The following LAMA4 variants were observed in gnomAD, a reference collection of about 807,000 sequenced individuals.
LAMA4 encodes the protein laminin subunit alpha 4.
Under a neutral mutation model 207.1 loss-of-function variants are expected in LAMA4, and 127 were observed. The ratio of observed to expected loss-of-function variants is 0.61; its 90% CI spans 0.53 to 0.71. The LOEUF is 0.71. LAMA4 is among the 30% of genes least tolerant of loss of function. The probability of loss-of-function intolerance (pLI) is 0.00; values close to 1 mark genes in which losing one functional copy is unlikely to be tolerated. For synonymous variants in LAMA4, 761 were observed against 816.0 expected (o/e 0.93, Z 1.15); for missense variants, 2,093 against 2,246.5 (o/e 0.93, Z 1.38).
chr6:112,117,890 G>A lies in LAMA4; in HGVS notation c.4830C>T (p.Ser1610=). The A allele has an allele frequency of 6.2e-7, 1 of 1,613,120 alleles. No homozygotes were observed. The highest frequency in any genetic ancestry group is 8.5e-7 in the Non-Finnish European group (1 of 1,179,292). Residue 1610 remains serine, a synonymous_variant, in exon 35 of 39, where the codon TCC becomes TCT. Coordinates refer to ENST00000230538, the MANE Select transcript of LAMA4 (RefSeq NM_001105206.3). This position sits in a 1 kb window ranked among gnomAD's most constrained non-coding sequence, Gnocchi z 4.5. ...GKAVKNVQIN[S]IYSFSGCLSN... is the part of the protein sequence containing the mutation. ...TGAGACAGCCACTAAAACTGTAGATGGAGTTAATCTGAGGGAAGAAGATAT... is the reference window on the plus strand; with the variant it reads ...TGAGACAGCCACTAAAACTGTAGATAGAGTTAATCTGAGGGAAGAAGATAT...
intron 1 of LAMA4, 81 bp downstream of exon 1, chr6:112,254,378 T>TCCCCCCTTCTCCCCCTCTCTCG: frequency 1.7e-6 from 1 of 580,498 alleles, no homozygotes; most frequent in African/African-American, 1.9e-5. Flanking sequence ...CCCCTCTCTC[T>TCCCCCCTTCTCCCCCTCTCTCG]CCCTCTCCCT....
chr6:112,189,399 A>G (rs1436681556), intron 6 of LAMA4, among the ~76,000 whole-genome samples, 194 bp from the exon 7 acceptor site: 3 of 152,270 alleles, frequency 2.0e-5, no homozygotes, highest in Non-Finnish European at 4.4e-5. Flanking sequence ...CTCCAGCCCA[A>G]TGAGATTTTC....
intron 1 of LAMA4, 45 bp from the exon 2 acceptor site, chr6:112,254,336 CCTCTCTCTCCCTCT>C (rs1403483264): frequency 1.2e-4 from 79 of 634,410 alleles, no homozygotes; most frequent in South Asian, 1.1e-3. Context: ...AGAGTTCCAG[CCTCTCTCTCCCTCT>C]CTCTCTCTCC....
chr6:112,191,975 A>C, intron 5 of LAMA4, 125 bp from the exon 6 acceptor site: 1 of 830,672 alleles, frequency 1.2e-6, no homozygotes. Context: ...ATTCATTTGC[A>C]CTCTCTCATC....
rs1189587795 is a variant in LAMA4 at position 112,132,808 on chromosome 6, C to A, written c.3779G>T (p.Gly1260Val). 1.9e-6 allele frequency: 3 copies of A among 1,612,792 alleles called. No homozygotes were observed. The highest frequency in any genetic ancestry group is 2.5e-6 in the Non-Finnish European group (3 of 1,178,958). The change falls in exon 28 of 39, where the codon GGT becomes GTT. Residue 1260 changes from glycine (G) to valine (V), a missense_variant. By Grantham distance (109) the Gly-to-Val change is moderately radical (BLOSUM62 -3). Transcript: ENST00000230538. ...TGGTTGTAATGTTCGGAAATTAAAA[C>A]CTCCTTCAAAGCCATCAAAGAAAGA... ...KISFFDGFEG[G>V]FNFRTLQPNG...
At chr6:112,178,015 G>T in intron 10 of LAMA4, 106 bp downstream of exon 10, 1 of 837,598 alleles carries the variant, frequency 1.2e-6, no homozygotes, top group Non-Finnish European at 2.1e-6. Flanking sequence ...GTACCAACAA[G>T]TTCCTGGCAC....
chr6:112,189,706 C>T (rs2114951469), intron 6 of LAMA4, among the ~76,000 whole-genome samples: 1 of 152,272 alleles, frequency 6.6e-6, no homozygotes, highest in South Asian at 2.1e-4. Flanking sequence ...TCCCACTGCG[C>T]TTGACCCTTG....
Position 112,158,741 on chromosome 6 carries a change from T to A in LAMA4, c.1808A>T (p.Glu603Val), listed in dbSNP as rs781829812. 6.8e-6 allele frequency: 11 copies of A among 1,613,560 alleles called. No homozygotes were observed. Among genetic ancestry groups the A allele is most frequent in the Non-Finnish European group, 9.3e-6 (11 of 1,179,644 alleles). The change falls in exon 14 of 39, where the codon GAA becomes GTA. Residue 603 changes from glutamate to valine, a missense_variant. Coordinates refer to ENST00000230538, the MANE Select transcript of LAMA4 (RefSeq NM_001105206.3). ...AAAACCAGGATATTACCTGCTCAAT[T>A]CATTAGCTTCTTGTTGAAGGTCCTG... is the stretch of plus-strand genomic sequence containing the variant. ...HAQDLQQEAN[E>V]LSRKLHSSDM... is the part of the protein sequence containing the mutation.
chr6:112,157,060 G>A (rs1200937626), intron 14 of LAMA4, among the ~76,000 whole-genome samples: 1 of 151,896 alleles, frequency 6.6e-6, no homozygotes, highest in Non-Finnish European at 1.5e-5. Flanking sequence ...AAGTGTCTAG[G>A]GCCTATAGAA....
In LAMA4 at chr6:112,109,245, G is replaced by A. The variant is rs587656054; in HGVS notation, c.*192C>T. On this transcript the variant is annotated 3_prime_UTR_variant, in exon 39 of 39. Transcript: ENST00000230538. ...ACTCCTTCAATTGTTGTCCATTGCA[G>A]ACACTTTGGATTCAAGGTTAAGAAT... 1.5e-6 allele frequency: 1 copy of A among 661,794 alleles called. No homozygotes were observed. The highest frequency in any genetic ancestry group is 1.8e-5 in the South Asian group (1 of 54,328). The allele number at this position is 661,794 out of a possible 1,614,324, so 41.0% of individuals were successfully genotyped here.
At chr6:112,250,877 A>T (rs1787396853) in intron 2 of LAMA4, among the ~76,000 whole-genome samples, 1 of 152,068 alleles carries the variant, frequency 6.6e-6, no homozygotes, top group Admixed American at 6.5e-5. Flanking sequence ...GTTCTTTTCC[A>T]TATCTACCAT....
chr6:112,201,768 T>C (rs957278195), intron 4 of LAMA4, 80 bp from the exon 5 acceptor site: 2 of 1,158,492 alleles, frequency 1.7e-6, no homozygotes, highest in African/African-American at 1.5e-5. Context: ...AGATTACCTC[T>C]ATGTTGGTCC....
chr6:112,217,061 A>G (rs940831805), intron 2 of LAMA4, among the ~76,000 whole-genome samples: 32 of 152,324 alleles, frequency 2.1e-4, no homozygotes, highest in African/African-American at 7.5e-4. Flanking sequence ...GGTGCTGTTC[A>G]TATATGTATT....
chr6:112,145,257 G>A (rs1295993604), intron 18 of LAMA4, among the ~76,000 whole-genome samples: 1 of 152,244 alleles, frequency 6.6e-6, no homozygotes, highest in African/African-American at 2.4e-5. Flanking sequence ...CCGATGCCAT[G>A]CACAGGATGC....
chr6:112,210,956 A>G, intron 3 of LAMA4, among the ~76,000 whole-genome samples: 1 of 152,218 alleles, frequency 6.6e-6, no homozygotes, highest in Middle Eastern at 3.2e-3. Context: ...TGGTATATAT[A>G]GTCCACATTA....
intron 14 of LAMA4, among the ~76,000 whole-genome samples, chr6:112,156,691 G>A (rs1243169656): frequency 1.3e-5 from 2 of 151,800 alleles, no homozygotes; most frequent in Non-Finnish European, 2.9e-5. Flanking sequence ...AAGGTCCTCC[G>A]TGACCCAGTA....
chr6:112,209,558 T>A (rs76842206), intron 3 of LAMA4, among the ~76,000 whole-genome samples: 1 of 152,202 alleles, frequency 6.6e-6, no homozygotes, highest in Admixed American at 6.5e-5. Context: ...GACAGAGTGC[T>A]GGAGGCAGGG....
intron 3 of LAMA4, among the ~76,000 whole-genome samples, chr6:112,207,556 C>T (rs1554354830): frequency 7.2e-6 from 1 of 139,850 alleles, no homozygotes; most frequent in African/African-American, 3.3e-5. Flanking sequence ...CAAACATCCC[C>T]CTGGTACTTA....
chr6:112,244,548 T>C (rs1411184704), intron 2 of LAMA4, among the ~76,000 whole-genome samples: 2 of 152,224 alleles, frequency 1.3e-5, no homozygotes, highest in African/African-American at 4.8e-5. Flanking sequence ...AAACTTGCTT[T>C]CATTTTACTC....
Sources: allele counts gnomAD v4.1 joint callset (sites outside exome capture counted in the v4.1 genomes callset), GRCh38; gene constraint gnomAD v4.1.1; non-coding constraint Gnocchi (gnomAD v3.1); transcripts MANE v1.5; gene names NCBI Gene and HGNC (gene_info 2026-07-23, HGNC 2026-07-21).